SMYD4: variants seen among roughly 807,000 people sequenced by gnomAD.
SMYD4 encodes the protein SET and MYND domain containing 4.
A neutral mutation model predicts 72.8 loss-of-function variants in SMYD4; 68 were observed. That is an observed-to-expected ratio of 0.93 (90% CI 0.77 to 1.14). The LOEUF (loss-of-function observed/expected upper bound fraction) is 1.14. Ranked by LOEUF, SMYD4 falls within the 50% of genes most tolerant of loss-of-function variation. SMYD4 has a pLI of 0.00. For synonymous variants in SMYD4, 407 were observed against 388.6 expected, an observed-to-expected ratio of 1.05 and a Z score of -0.56; for missense variants, 984 against 1,003.7, an observed-to-expected ratio of 0.98 and a Z score of 0.27.
intron 1 of SMYD4, among the ~76,000 whole-genome samples, chr17:1,829,077 C>G (rs1051674293): frequency 6.6e-6 from 1 of 152,142 alleles, no homozygotes; most frequent in African/African-American, 2.4e-5. Flanking sequence ...CCATTGGCAC[C>G]ACTCCCCACT....
rs894188208 is a variant in SMYD4, at chr17:1,811,956, C to T, written c.279+15G>A. 3 of 1,607,982 alleles carry T rather than the reference C, an allele frequency of 1.9e-6. No individual in the cohort carries two copies. The highest frequency in any genetic ancestry group is 2.5e-6 in the Non-Finnish European group (3 of 1,178,226). ...AAAAATAAATAATAAATTGCTTGAGCTGGGAGTGTTTTACCTTAGAGTACA... is the reference window on the plus strand; with the variant it reads ...AAAAATAAATAATAAATTGCTTGAGTTGGGAGTGTTTTACCTTAGAGTACA... On this transcript the variant is annotated intron_variant, in intron 3 of 10. Transcript: ENST00000305513.
At chr17:1,792,429 A>C (rs757035106) in intron 5 of SMYD4, among the ~76,000 whole-genome samples, 1 of 152,060 alleles carries the variant, frequency 6.6e-6, no homozygotes, top group Non-Finnish European at 1.5e-5. Flanking sequence ...TGGGCGGATC[A>C]CGAGGTCAGG....
rs768841981 is a variant in SMYD4 at position 1,783,046 on chromosome 17, G to C, written c.2250C>G (p.Ile750Met). ...GGAAAGGGACTCACCCGTTGAAAAA[G>C]ATCTGGGCCAATTTGAAGAGCTCAT... ...MGHELFKLAQ[I>M]FFNGFAVPEA... The change falls in exon 10 of 11, where the codon ATC (isoleucine) becomes ATG (methionine). Residue 750 changes from isoleucine (I) to methionine (M), a missense_variant. Transcript: ENST00000305513. The C allele has an allele frequency of 6.2e-7, 1 of 1,614,064 alleles. No individual in the cohort carries two copies. Among genetic ancestry groups the C allele is most frequent in the Non-Finnish European group, 8.5e-7 (1 of 1,180,018 alleles).
chr17:1,812,924 C>T lies in SMYD4; in HGVS notation c.135-809G>A, dbSNP rs115321700. 4.8e-3 allele frequency among the ~76,000 whole-genome samples: 709 copies of T among 147,370 alleles called. 2 individuals are homozygous for T. The highest frequency in any genetic ancestry group is 0.017 in the African/African-American group (679 of 39,650). ...AATTATTGGCCAACGAACCATCCCT[C>T]GGATCATACATCATAAAAGATTTTT... On this transcript the variant is annotated intron_variant, in intron 2 of 10. Coordinates refer to ENST00000305513, the MANE Select transcript of SMYD4 (RefSeq NM_052928.3).
chr17:1,811,698 G>A (rs563350428), intron 3 of SMYD4, among the ~76,000 whole-genome samples: 5 of 152,110 alleles, frequency 3.3e-5, no homozygotes, highest in Non-Finnish European at 5.9e-5. Flanking sequence ...AGGCTGAGGC[G>A]GGCGCAACAC....
intron 2 of SMYD4, among the ~76,000 whole-genome samples, chr17:1,812,769 G>A (rs1329894547): frequency 1.3e-5 from 2 of 151,812 alleles, no homozygotes; most frequent in Non-Finnish European, 2.9e-5. Context: ...GGCTGGTCTC[G>A]AACTCCTGAC....
At chr17:1,823,595 A>C (rs1911005580) in intron 2 of SMYD4, among the ~76,000 whole-genome samples, 3 of 151,950 alleles carry the variant, frequency 2.0e-5, no homozygotes, top group Non-Finnish European at 4.4e-5. Context: ...CTTTCTCTCT[A>C]CTTCCGGTAA....
chr17:1,781,906 C>T (rs924372653), intron 10 of SMYD4: 1 of 156,348 alleles, frequency 6.4e-6, no homozygotes, highest in Non-Finnish European at 1.4e-5. Context: ...TTAGGGCTGA[C>T]CTCTGACCTA....
intron 3 of SMYD4, among the ~76,000 whole-genome samples, chr17:1,805,769 A>G (rs556801075): frequency 3.0e-4 from 45 of 151,192 alleles, no homozygotes; most frequent in African/African-American, 1.1e-3. Flanking sequence ...CTGAGATCAT[A>G]CCACTGCACT....
At chr17:1,826,893 G>C (rs1911206650) in intron 2 of SMYD4, among the ~76,000 whole-genome samples, 1 of 152,174 alleles carries the variant, frequency 6.6e-6, no homozygotes, top group Admixed American at 6.6e-5. Context: ...GCTCATGCCT[G>C]TAATCCCAGC....
chr17:1,826,420 A>AG lies in SMYD4; in HGVS notation c.134+1440dup, dbSNP rs568831929. 1.6e-3 allele frequency among the ~76,000 whole-genome samples: 223 copies of AG among 139,728 alleles called. 1 individual carries two copies. Among genetic ancestry groups the AG allele is most frequent in the African/African-American group, 5.4e-3 (212 of 39,072 alleles). 91.7% of individuals were successfully genotyped at this position (139,728 alleles called of 152,430 possible). On this transcript the variant is annotated intron_variant, in intron 2 of 10. Transcript: ENST00000305513. Reference sequence around the variant, plus strand: ...GGCAGGAGAATCACTTGAACTTGGGAGGCGGAGGTTGCAGTGAGCCAAGAC... The same window carrying AG: ...GGCAGGAGAATCACTTGAACTTGGGAGGGCGGAGGTTGCAGTGAGCCAAGAC...
intron 3 of SMYD4, among the ~76,000 whole-genome samples, chr17:1,811,206 T>C (rs1225977026): frequency 6.6e-6 from 1 of 152,184 alleles, no homozygotes; most frequent in East Asian, 1.9e-4. Context: ...AGCCTGCCCA[T>C]CTATATGCTC....
rs368038317 is a variant in SMYD4, at chr17:1,795,747, G to GT, written c.1537+4109dup. Among the ~76,000 whole-genome samples, 1,232 of 128,432 alleles carry GT rather than the reference G, an allele frequency of 9.6e-3. 17 individuals are homozygous for GT. Among genetic ancestry groups the GT allele is most frequent in the Middle Eastern group, 0.017 (4 of 234 alleles). 84.3% of individuals were successfully genotyped at this position (128,432 alleles called of 152,430 possible). On this transcript the variant is annotated intron_variant, in intron 5 of 10. Coordinates refer to ENST00000305513, the MANE Select transcript of SMYD4 (RefSeq NM_052928.3). ...ATGAGCCACTGTGCCTGGCCCGTGAGTTTTTTTTTTTTTTTTTTAAGTATT... is the reference window on the plus strand; with the variant it reads ...ATGAGCCACTGTGCCTGGCCCGTGAGTTTTTTTTTTTTTTTTTTTAAGTATT...
chr17:1,804,670 G>T lies in SMYD4; in HGVS notation c.325C>A (p.His109Asn). ...AAGAGGGCTGCCGAGCGGTTAGCAT[G>T]ACACAGTGACATGTCCTCAGTGTTA... ...RPNTEDMSLC[H>N]ANRSAALFHL... The change falls in exon 4 of 11, where the codon CAT (histidine) becomes AAT (asparagine). Residue 109 changes from histidine (H) to asparagine (N), a missense_variant. Transcript: ENST00000305513. The T allele has an allele frequency of 6.2e-7, 1 of 1,613,680 alleles. No homozygotes were observed. Among genetic ancestry groups the T allele is most frequent in the South Asian group, 1.1e-5 (1 of 91,056 alleles).
At chr17:1,781,557 A>G (rs1908364985) in intron 10 of SMYD4, 118 bp from the exon 11 acceptor site, 2 of 1,207,402 alleles carry the variant, frequency 1.7e-6, no homozygotes, top group African/African-American at 3.0e-5. Flanking sequence ...GGATCCTACA[A>G]TCTAGAACAG....
chr17:1,814,667 TA>T, intron 2 of SMYD4: 1 of 151,894 alleles, frequency 6.6e-6, no homozygotes, highest in South Asian at 2.1e-4. Context: ...CCACAAAAAA[TA>T]CAAAAATTAG....
At chr17:1,790,498 A>G (rs1235154638) in intron 5 of SMYD4, among the ~76,000 whole-genome samples, 1 of 152,032 alleles carries the variant, frequency 6.6e-6, no homozygotes, top group African/African-American at 2.4e-5. Flanking sequence ...TACCTTGCTA[A>G]TATCCCTAGT....
At chr17:1,826,348 C>T (rs909556235) in intron 2 of SMYD4, among the ~76,000 whole-genome samples, 1 of 151,776 alleles carries the variant, frequency 6.6e-6, no homozygotes, top group Non-Finnish European at 1.5e-5. Flanking sequence ...CAAAATTAGC[C>T]GGGTATGGTG....
At chr17:1,806,087 G>A (rs1172574828) in intron 3 of SMYD4, among the ~76,000 whole-genome samples, 1 of 151,718 alleles carries the variant, frequency 6.6e-6, no homozygotes, top group Non-Finnish European at 1.5e-5. Context: ...ACCACGCCTG[G>A]CCAATTTTTT....
Sources: allele counts gnomAD v4.1 joint callset (sites outside exome capture counted in the v4.1 genomes callset), GRCh38; gene constraint gnomAD v4.1.1; transcripts MANE v1.5; gene names NCBI Gene and HGNC (gene_info 2026-07-23, HGNC 2026-07-21).